Variants in CDKN2B observed in about 807,000 individuals in gnomAD.
CDKN2B encodes cyclin-dependent kinase 4 inhibitor B.
Under a neutral mutation model 7.7 loss-of-function variants are expected in CDKN2B, and 8 were observed. The ratio of observed to expected loss-of-function variants is 1.04; its 90% CI spans 0.61 to 1.87. The LOEUF is 1.87. Among genes scored for constraint, CDKN2B ranks in the 40% most tolerant of loss-of-function variants. The pLI, the probability that CDKN2B is intolerant of heterozygous loss-of-function variation, is 0.00. For synonymous variants in CDKN2B, 93 were observed against 95.8 expected, an observed-to-expected ratio of 0.97 and a Z score of 0.17; for missense variants, 244 against 213.1, an observed-to-expected ratio of 1.15 and a Z score of -0.90.
chr9:22,008,720 G>A (rs1483479955), intron 1 of CDKN2B, 78 bp downstream of exon 1: 3 of 1,611,538 alleles, frequency 1.9e-6, no homozygotes, highest in Non-Finnish European at 2.5e-6. Context: ...CGGCGATCTA[G>A]GTTCCAGCCC....
At chr9:22,008,537 T>G in intron 1 of CDKN2B, 1 of 839,274 alleles carries the variant, frequency 1.2e-6, no homozygotes, top group Non-Finnish European at 1.8e-6. Flanking sequence ...TTCTCCCCAA[T>G]TCAGTCTATT....
intron 1 of CDKN2B, among the ~76,000 whole-genome samples, chr9:22,007,636 G>A (rs1379802384): frequency 2.0e-5 from 3 of 151,884 alleles, no homozygotes; most frequent in Non-Finnish European, 2.9e-5. Context: ...TGTTTTGTTG[G>A]CTTGTTTCAT....
Position 22,005,783 on chromosome 9 carries a change from G to C in CDKN2B, c.*204C>G. The C allele has an allele frequency of 4.6e-6, 3 of 648,528 alleles. No individual in the cohort carries two copies. Among genetic ancestry groups the C allele is most frequent in the Non-Finnish European group, 8.1e-6 (3 of 371,066 alleles). The allele number at this position is 648,528 out of a possible 1,614,324, so 40.2% of individuals were successfully genotyped here. ...TTCTCTGTGTTTCGCTTCATGGTGA[G>C]TGTCGAGGGCCAGATAAGACAAAGA... On this transcript the variant is annotated 3_prime_UTR_variant, in exon 2 of 2. Transcript: ENST00000276925. The surrounding 1 kb of genome is among the most constrained non-coding windows in gnomAD (Gnocchi z 4.9).
rs1587387820 is a variant in CDKN2B at position 22,008,788 on chromosome 9, C to T, written c.156+10G>A. The T allele has an allele frequency of 6.2e-7, 1 of 1,606,764 alleles. No individual in the cohort carries two copies. Among genetic ancestry groups the T allele is most frequent in the Non-Finnish European group, 8.5e-7 (1 of 1,176,394 alleles). ...GCCCCCTGCCGGCGAGGCCCTGGGG[C>T]CCCAGCTACCTGGATCGCGCGCCTC... is the stretch of plus-strand genomic sequence containing the variant. On this transcript the variant is annotated intron_variant, in intron 1 of 1. Coordinates refer to ENST00000276925, the MANE Select transcript of CDKN2B (RefSeq NM_004936.4).
chr9:22,006,368 A>G lies in CDKN2B; in HGVS notation c.157-121T>C. 2 of 1,344,128 alleles carry G rather than the reference A, an allele frequency of 1.5e-6. No individual in the cohort carries two copies. The highest frequency in any genetic ancestry group is 2.1e-6 in the Non-Finnish European group (2 of 972,728). 83.3% of individuals were successfully genotyped at this position (1,344,128 alleles called of 1,614,324 possible). A position where few individuals can be genotyped will look rare whatever the true frequency, so the allele number is the denominator to read the frequency against. On this transcript the variant is annotated intron_variant, in intron 1 of 1. Transcript: ENST00000276925. This position sits in a 1 kb window ranked among gnomAD's most constrained non-coding sequence, Gnocchi z 6.4. ...TAATTGCAAAGTTTTCACCCAGTGCAGAGGTGTTCAGGTCTCTGATGTCTG... is the reference window on the plus strand; with the variant it reads ...TAATTGCAAAGTTTTCACCCAGTGCGGAGGTGTTCAGGTCTCTGATGTCTG...
In CDKN2B at chr9:22,003,892, A is replaced by C. The variant is rs1221106430; in HGVS notation, c.*2095T>G. The C allele has an allele frequency of 4.3e-6, 1 of 232,424 alleles. No homozygotes were observed. The highest frequency in any genetic ancestry group is 8.5e-6 in the Non-Finnish European group (1 of 117,652). The allele number at this position is 232,424 out of a possible 1,614,324, so 14.4% of individuals were successfully genotyped here. ...TGTGTATTTCTGCTTTTTTTTAAAA[A>C]AAGTTATCTTCATGTGTATCATTCA... is the stretch of plus-strand genomic sequence containing the variant. On this transcript the variant is annotated 3_prime_UTR_variant, in exon 2 of 2. Transcript: ENST00000276925.
intron 1 of CDKN2B, 54 bp downstream of exon 1, chr9:22,008,744 C>A (rs1247009424): frequency 1.9e-6 from 3 of 1,610,402 alleles, no homozygotes; most frequent in Non-Finnish European, 2.5e-6. Flanking sequence ...TCCGCCGAGG[C>A]CGCGCCCCGC....
At position 22,004,531 on chromosome 9, in the gene CDKN2B, T is replaced by C. The variant is rs1321624266; in HGVS notation, c.*1456A>G. On this transcript the variant is annotated 3_prime_UTR_variant, in exon 2 of 2. Transcript: ENST00000276925. Reference sequence around the variant, plus strand: ...GGAGTTAGTGGTAAACCCATGAACATGTATTTTTAAACCAAATTACCCACC... The same window carrying C: ...GGAGTTAGTGGTAAACCCATGAACACGTATTTTTAAACCAAATTACCCACC... 1 of 232,416 alleles carries C rather than the reference T, an allele frequency of 4.3e-6. No individual in the cohort carries two copies. Among genetic ancestry groups the C allele is most frequent in the Non-Finnish European group, 8.5e-6 (1 of 117,628 alleles). The allele number at this position is 232,416 out of a possible 1,614,324, so 14.4% of individuals were successfully genotyped here.
intron 1 of CDKN2B, among the ~76,000 whole-genome samples, chr9:22,007,302 T>C (rs997730419): frequency 6.6e-6 from 1 of 152,122 alleles, no homozygotes; most frequent in Non-Finnish European, 1.5e-5. Context: ...GAGGTTGCAG[T>C]GAGCTGAGAT....
In CDKN2B at chr9:22,005,806, A is replaced by C. The variant is rs1325491149; in HGVS notation, c.*181T>G. 15 of 764,292 alleles carry C rather than the reference A, an allele frequency of 2.0e-5. No individual in the cohort carries two copies. Among genetic ancestry groups the C allele is most frequent in the African/African-American group, 3.5e-5 (2 of 57,394 alleles). 47.3% of individuals were successfully genotyped at this position (764,292 alleles called of 1,614,324 possible). A position where few individuals can be genotyped will look rare whatever the true frequency, so the allele number is the denominator to read the frequency against. On this transcript the variant is annotated 3_prime_UTR_variant, in exon 2 of 2. Coordinates refer to ENST00000276925, the MANE Select transcript of CDKN2B (RefSeq NM_004936.4). This position sits in a 1 kb window ranked among gnomAD's most constrained non-coding sequence, Gnocchi z 4.9. ...GAGTGTCGAGGGCCAGATAAGACAA[A>C]GAAAAAAATGTATGGAAGGTTATTC...
In CDKN2B at chr9:22,005,967, G is replaced by A. The variant is rs1443543856; in HGVS notation, c.*20C>T. On this transcript the variant is annotated 3_prime_UTR_variant, in exon 2 of 2. Transcript: ENST00000276925. The surrounding 1 kb of genome is among the most constrained non-coding windows in gnomAD (Gnocchi z 4.9). ...TGGGTAAGAAAATAAAGTCGTTGTG[G>A]GCGGCTGGGGAACCTGGCGTCAGTC... is the stretch of plus-strand genomic sequence containing the variant. 1 of 1,599,626 alleles carries A rather than the reference G, an allele frequency of 6.3e-7. No homozygotes were observed. Among genetic ancestry groups the A allele is most frequent in the Non-Finnish European group, 8.5e-7 (1 of 1,179,630 alleles).
chr9:22,004,083 C>T lies in CDKN2B; in HGVS notation c.*1904G>A, dbSNP rs3217988. 524 of 232,532 alleles carry T rather than the reference C, an allele frequency of 2.3e-3. 2 individuals are homozygous for T. The highest frequency in any genetic ancestry group is 6.2e-3 in the Admixed American group (110 of 17,786). 14.4% of individuals were successfully genotyped at this position (232,532 alleles called of 1,614,324 possible). Reference sequence around the variant, plus strand: ...CATTGTCCTCATCTGGGAAACAATACCTATCTCTCAGGTTTAAATATTAAA... The same window carrying T: ...CATTGTCCTCATCTGGGAAACAATATCTATCTCTCAGGTTTAAATATTAAA... On this transcript the variant is annotated 3_prime_UTR_variant, in exon 2 of 2. Transcript: ENST00000276925.
Position 22,006,276 on chromosome 9 carries a change from C to T in CDKN2B, c.157-29G>A. 1 of 1,600,458 alleles carries T rather than the reference C, an allele frequency of 6.2e-7. No individual in the cohort carries two copies. Among genetic ancestry groups the T allele is most frequent in the Non-Finnish European group, 8.5e-7 (1 of 1,179,788 alleles). ...CCAGAGAGAGCAGAGTGGTCAGAGC[C>T]AGGGTGGGGGCAGGTATGGGAGATG... is the stretch of plus-strand genomic sequence containing the variant. On this transcript the variant is annotated intron_variant, in intron 1 of 1. Transcript: ENST00000276925. This position sits in a 1 kb window ranked among gnomAD's most constrained non-coding sequence, Gnocchi z 6.4.
Position 22,009,119 on chromosome 9 carries a change from C to A in CDKN2B, c.-166G>T, listed in dbSNP as rs1373907884. On this transcript the variant is annotated 5_prime_UTR_variant, in exon 1 of 2. Coordinates refer to ENST00000276925, the MANE Select transcript of CDKN2B (RefSeq NM_004936.4). ...GTCGTCCTTCTGCGGCTTGGGGCCC[C>A]GTGCAGTGGCCGAGCGGCCGGTCGT... 1.0e-6 allele frequency: 1 copy of A among 982,888 alleles called. No individual in the cohort carries two copies. Among genetic ancestry groups the A allele is most frequent in the South Asian group, 1.5e-5 (1 of 65,136 alleles). 60.9% of individuals were successfully genotyped at this position (982,888 alleles called of 1,614,324 possible).
chr9:22,009,176 C>T lies in CDKN2B; in HGVS notation c.-223G>A, dbSNP rs369032987. 3.1e-6 allele frequency: 2 copies of T among 653,424 alleles called. No homozygotes were observed. Among genetic ancestry groups the T allele is most frequent in the Non-Finnish European group, 5.3e-6 (2 of 376,376 alleles). 40.5% of individuals were successfully genotyped at this position (653,424 alleles called of 1,614,324 possible). A position where few individuals can be genotyped will look rare whatever the true frequency, so the allele number is the denominator to read the frequency against. On this transcript the variant is annotated 5_prime_UTR_variant, in exon 1 of 2. Transcript: ENST00000276925. Reference sequence around the variant, plus strand: ...CGGGCTTTTCCTGGCGCTCAAGAACCAGCGGGCGCGCCTGGATTGCTTCTG... The same window carrying T: ...CGGGCTTTTCCTGGCGCTCAAGAACTAGCGGGCGCGCCTGGATTGCTTCTG...
In CDKN2B at chr9:22,007,049, T is replaced by C. The variant is rs2285327; in HGVS notation, c.157-802A>G. 9.1e-3 allele frequency among the ~76,000 whole-genome samples: 1,393 copies of C among 152,304 alleles called. 115 individuals carry two copies. In the East Asian group the frequency reaches 0.2, roughly 22 times the overall value. ...GCTAAGATTTAAAAATGTTAAACAG[T>C]AAATATTTTGCTATATAAAAAGAGC... On this transcript the variant is annotated intron_variant, in intron 1 of 1. Coordinates refer to ENST00000276925, the MANE Select transcript of CDKN2B (RefSeq NM_004936.4).
chr9:22,009,041 C>G lies in CDKN2B; in HGVS notation c.-88G>C, dbSNP rs138552700. The stretch of plus-strand genomic sequence containing the variant: ...CTCTTCCCTTCTTTCCCACGCTGCT[C>G]CGGCGCACTCTCTCCTTCCTAGGAG... On this transcript the variant is annotated 5_prime_UTR_variant, in exon 1 of 2. Coordinates refer to ENST00000276925, the MANE Select transcript of CDKN2B (RefSeq NM_004936.4). The G allele has an allele frequency of 6.3e-7, 1 of 1,578,788 alleles. No homozygotes were observed. Among genetic ancestry groups the G allele is most frequent in the Non-Finnish European group, 8.7e-7 (1 of 1,150,064 alleles).
chr9:22,006,125 C>A lies in CDKN2B; in HGVS notation c.279G>T (p.Leu93=). 6.2e-7 allele frequency: 1 copy of A among 1,611,146 alleles called. No homozygotes were observed. The highest frequency in any genetic ancestry group is 8.5e-7 in the Non-Finnish European group (1 of 1,179,842). ...CCCGGTGCAGCACCACCAGCGTGTC[C>A]AGGAAGCCCTCCCGGGCAGCATCAT... is the stretch of plus-strand genomic sequence containing the variant. ...PVHDAAREGF[L]DTLVVLHRAG... The change falls in exon 2 of 2, where the codon CTG becomes CTT. Residue 93 remains leucine, a synonymous_variant. Transcript: ENST00000276925. The surrounding 1 kb of genome is among the most constrained non-coding windows in gnomAD (Gnocchi z 6.4).
Position 22,004,307 on chromosome 9 carries a change from G to A in CDKN2B, c.*1680C>T, listed in dbSNP as rs1821062907. 4.3e-6 allele frequency: 1 copy of A among 232,240 alleles called. No individual in the cohort carries two copies. Among genetic ancestry groups the A allele is most frequent in the Non-Finnish European group, 8.5e-6 (1 of 117,552 alleles). The allele number at this position is 232,240 out of a possible 1,614,324, so 14.4% of individuals were successfully genotyped here. A position where few individuals can be genotyped will look rare whatever the true frequency, so the allele number is the denominator to read the frequency against. ...TTCTTATAAGTCTCCACTCTCAAAT[G>A]ACTTGTTTCTGTTCCTTTTTTCTCT... On this transcript the variant is annotated 3_prime_UTR_variant, in exon 2 of 2. Coordinates refer to ENST00000276925, the MANE Select transcript of CDKN2B (RefSeq NM_004936.4).
Sources: allele counts gnomAD v4.1 joint callset (sites outside exome capture counted in the v4.1 genomes callset), GRCh38; gene constraint gnomAD v4.1.1; non-coding constraint Gnocchi (gnomAD v3.1); transcripts MANE v1.5; gene names NCBI Gene and HGNC (gene_info 2026-07-23, HGNC 2026-07-21).